Variants in EML1 observed in about 807,000 individuals in gnomAD.
EML1 encodes the protein echinoderm microtubule-associated protein-like 1.
In EML1, 27 loss-of-function variants were observed where a neutral mutation model predicts 110.4. The ratio of observed to expected loss-of-function variants is 0.24; its 90% CI spans 0.18 to 0.34. EML1 has a LOEUF of 0.34. Among genes scored for constraint, EML1 ranks in the 10% least tolerant of loss-of-function variants. The probability of loss-of-function intolerance (pLI) is 1.00; values close to 1 mark genes in which losing one functional copy is unlikely to be tolerated. For synonymous variants in EML1, 344 were observed against 385.8 expected (o/e 0.89, Z 1.27); for missense variants, 741 against 1,030.9 (o/e 0.72, Z 3.85).
chr14:99,847,537 A>T (rs1002954269), intron 1 of EML1, among the ~76,000 whole-genome samples: 1 of 152,074 alleles, frequency 6.6e-6, no homozygotes, highest in Admixed American at 6.6e-5. Context: ...TTTTATAGAG[A>T]TGAGATCTTG....
At chr14:99,743,727 G>A (rs1369759689) in intron 1 of EML1, among the ~76,000 whole-genome samples, 3 of 152,198 alleles carry the variant, frequency 2.0e-5, no homozygotes, top group Admixed American at 1.3e-4. Flanking sequence ...CGCCAGTGTC[G>A]GAAGTACCCT....
chr14:99,871,243 C>T (rs763519271), intron 3 of EML1, among the ~76,000 whole-genome samples: 11 of 152,168 alleles, frequency 7.2e-5, no homozygotes, highest in Non-Finnish European at 1.6e-4. Flanking sequence ...AGGCGTGAGC[C>T]ACCGCACCTG....
rs1309315669 is a variant in EML1, at chr14:99,755,063, T to C, written c.28+17203T>C. ...GGGCAGGGAACAACAGGCCTTTGTG[T>C]TCTTTTGGGAAATGGGATGGAGCTC... On this transcript the variant is annotated intron_variant, in intron 1 of 10. Transcript: ENST00000554479. 2.0e-5 allele frequency among the ~76,000 whole-genome samples: 3 copies of C among 152,374 alleles called. No individual in the cohort carries two copies. In the East Asian group the frequency reaches 5.8e-4, roughly 29 times the overall value.
At chr14:99,868,402 T>A (rs2059137920) in intron 3 of EML1, among the ~76,000 whole-genome samples, 1 of 152,216 alleles carries the variant, frequency 6.6e-6, no homozygotes, top group Non-Finnish European at 1.5e-5. Context: ...TATCCTTTTT[T>A]AAATGTTTGA....
In EML1 at chr14:99,781,109, C is replaced by G. The variant is rs1256269291; in HGVS notation, c.-27+7096C>G. 1.3e-5 allele frequency among the ~76,000 whole-genome samples: 2 copies of G among 152,068 alleles called. No homozygotes were observed. The highest frequency in any genetic ancestry group is 4.8e-5 in the African/African-American group (2 of 41,394). ...CTGCCCCCAGAATACTGGTTGGGTC[C>G]AGCTCAGTCCTCTGGACCCCTGTTC... On this transcript the variant is annotated intron_variant, in intron 1 of 22. Coordinates refer to the EML1 transcript ENST00000327921. This position sits in a 1 kb window ranked among gnomAD's most constrained non-coding sequence, Gnocchi z 4.2.
intron 1 of EML1, among the ~76,000 whole-genome samples, chr14:99,822,913 A>G (rs1463360203): frequency 6.6e-6 from 1 of 151,880 alleles, no homozygotes; most frequent in Non-Finnish European, 1.5e-5. Context: ...CTATTTTAGC[A>G]CGCCTTCTTT....
At position 99,865,603 on chromosome 14, in the gene EML1, C is replaced by G. The variant is rs759177439; in HGVS notation, c.340C>G (p.Pro114Ala). The change falls in exon 3 of 22, where the codon CCC (proline) becomes GCC (alanine). Residue 114 changes from proline (P) to alanine (A), a missense_variant. Pro to Ala is a conservative substitution (Grantham distance 27, BLOSUM62 -1). Coordinates refer to ENST00000262233, the MANE Select transcript of EML1 (RefSeq NM_004434.3). ...PKKPTGSLPS[P>A]SGVRKETAVP... ...GAAACCTACTGGCTCTCTACCATCC[C>G]CCTCCGGGGTCAGGAAAGAAACTGC... 29 of 1,614,058 alleles carry G rather than the reference C, an allele frequency of 1.8e-5. No homozygotes were observed. Among genetic ancestry groups the G allele is most frequent in the African/African-American group, 8.0e-5 (6 of 74,926 alleles).
intron 2 of EML1, among the ~76,000 whole-genome samples, chr14:99,859,126 G>C (rs2058956865): frequency 1.3e-5 from 2 of 152,106 alleles, no homozygotes; most frequent in African/African-American, 4.8e-5. Context: ...TTTGAAGTCT[G>C]GTTATTCTAA....
chr14:99,893,793 A>G (rs189779612), intron 5 of EML1, among the ~76,000 whole-genome samples: 1 of 152,318 alleles, frequency 6.6e-6, no homozygotes, highest in East Asian at 1.9e-4. Flanking sequence ...CGAGTTCTGA[A>G]TCTGAACAGA....
chr14:99,850,986 C>T lies in EML1; in HGVS notation c.201C>T (p.Asn67=). ...TAGCTGATGTGGTTCGGCGGCTGAA[C>T]ATTACTGAGGAACAGCAGGCCGTGC... ...SALADVVRRL[N]ITEEQQAVLN... The change falls in exon 2 of 22, where the codon AAC becomes AAT. Residue 67 remains asparagine, a synonymous_variant. Coordinates refer to ENST00000262233, the MANE Select transcript of EML1 (RefSeq NM_004434.3). 3 of 1,614,142 alleles carry T rather than the reference C, an allele frequency of 1.9e-6. No homozygotes were observed. The highest frequency in any genetic ancestry group is 2.5e-6 in the Non-Finnish European group (3 of 1,180,014).
chr14:99,926,379 G>A (rs907323021), intron 17 of EML1, among the ~76,000 whole-genome samples: 3 of 150,168 alleles, frequency 2.0e-5, no homozygotes, highest in Non-Finnish European at 3.0e-5. Flanking sequence ...CTGCCTCCCA[G>A]ATTCAAGCAA....
intron 2 of EML1, among the ~76,000 whole-genome samples, chr14:99,860,839 C>A (rs556687577): frequency 1.1e-4 from 17 of 152,096 alleles, no homozygotes; most frequent in Admixed American, 2.6e-4. Context: ...CTCTTCCCAC[C>A]CTCTATTTTT....
At chr14:99,849,883 A>T (rs2058764696) in intron 1 of EML1, among the ~76,000 whole-genome samples, 1 of 150,252 alleles carries the variant, frequency 6.7e-6, no homozygotes, top group African/African-American at 2.4e-5. Flanking sequence ...AATTTGTGCT[A>T]TTTCAGCCAT....
chr14:99,743,792 G>C (rs1047842319), intron 1 of EML1, among the ~76,000 whole-genome samples: 2 of 152,222 alleles, frequency 1.3e-5, no homozygotes, highest in East Asian at 3.8e-4. Context: ...AACTCGGAAA[G>C]GAAAGCTATC....
At chr14:99,911,599 A>G (rs758789847) in intron 13 of EML1, 23 bp downstream of exon 13, 1 of 1,603,580 alleles carries the variant, frequency 6.2e-7, no homozygotes, top group Non-Finnish European at 8.5e-7. Flanking sequence ...GGCTACTGCT[A>G]AAATTTGTTT....
In EML1 at chr14:99,784,127, G is replaced by A. The variant is rs1382061860; in HGVS notation, c.-27+10114G>A. On this transcript the variant is annotated intron_variant, in intron 1 of 22. Coordinates refer to the EML1 transcript ENST00000327921. This position sits in a 1 kb window ranked among gnomAD's most constrained non-coding sequence, Gnocchi z 4.5. ...TTTTTTTGAGATAGGATCTTGCTCTGTCGCCCAGGCTGGAGTGCAGTGGCA... is the reference window on the plus strand; with the variant it reads ...TTTTTTTGAGATAGGATCTTGCTCTATCGCCCAGGCTGGAGTGCAGTGGCA... Among the ~76,000 whole-genome samples, 1 of 151,644 alleles carries A rather than the reference G, an allele frequency of 6.6e-6. No individual in the cohort carries two copies. The highest frequency in any genetic ancestry group is 2.4e-5 in the African/African-American group (1 of 41,240).
chr14:99,803,631 A>T (rs1411898342), intron 1 of EML1, among the ~76,000 whole-genome samples: 2 of 152,234 alleles, frequency 1.3e-5, no homozygotes, highest in Non-Finnish European at 2.9e-5. Context: ...AGACGTTTGC[A>T]AAAAGCATTT....
At chr14:99,813,266 C>T (rs1190506803) in intron 1 of EML1, among the ~76,000 whole-genome samples, 1 of 152,148 alleles carries the variant, frequency 6.6e-6, no homozygotes, top group East Asian at 1.9e-4. Context: ...AAGGAAAAAA[C>T]CCCCAGCCAC....
At chr14:99,802,975 A>G (rs2057909291) in intron 1 of EML1, among the ~76,000 whole-genome samples, 1 of 152,064 alleles carries the variant, frequency 6.6e-6, no homozygotes, top group African/African-American at 2.4e-5. Flanking sequence ...GAGTGCCCCC[A>G]GGTGCCCTTC....
Sources: allele counts gnomAD v4.1 joint callset (sites outside exome capture counted in the v4.1 genomes callset), GRCh38; gene constraint gnomAD v4.1.1; non-coding constraint Gnocchi (gnomAD v3.1); transcripts MANE v1.5; gene names NCBI Gene and HGNC (gene_info 2026-07-23, HGNC 2026-07-21).